F5: variants seen among roughly 807,000 people sequenced by gnomAD.
The protein encoded by F5 is coagulation factor V, also known as activated protein c cofactor.
Under a neutral mutation model 216.4 loss-of-function variants are expected in F5, and 138 were observed. The observed-to-expected ratio is 0.64, with a 90% CI of 0.56 to 0.73. The LOEUF is 0.73. F5 is among the 30% of genes least tolerant of loss of function. F5 has a pLI of 0.00. For synonymous variants in F5, 916 were observed against 930.7 expected (o/e 0.98, Z 0.29); for missense variants, 2,403 against 2,674.0 (o/e 0.90, Z 2.24).
chr1:169,529,765 T>A lies in F5; in HGVS notation c.5262A>T (p.Gly1754=), dbSNP rs759827034. Residue 1754 remains glycine, a synonymous_variant, in exon 16 of 25, where the codon GGA becomes GGT. Coordinates refer to ENST00000367797, the MANE Select transcript of F5 (RefSeq NM_000130.5). The part of the protein sequence containing the change: ...LIGPLLICQK[G]ILHKDSNMPM... ...GCATGTTGCTGTCCTTATGTAGTAT[T>A]CCTTTTTGGCAGATTAGGAGGGGAC... 64 of 1,613,622 alleles carry A rather than the reference T, an allele frequency of 4.0e-5. No individual in the cohort carries two copies. The Admixed American group carries it at 1.0e-3, about 26-fold the overall frequency.
intron 14 of F5, among the ~76,000 whole-genome samples, 175 bp from the exon 15 acceptor site, chr1:169,531,197 G>A (rs1384215616): frequency 6.6e-6 from 1 of 152,120 alleles, no homozygotes; most frequent in Admixed American, 6.6e-5. Flanking sequence ...GTGAGATATG[G>A]CCCAAGTAGT....
chr1:169,521,615 A>AT (rs35651599), intron 21 of F5, among the ~76,000 whole-genome samples: 67 of 106,258 alleles, frequency 6.3e-4, no homozygotes, highest in African/African-American at 9.6e-4. Context: ...CTGTGAAAAG[A>AT]TTTTTTTTTT....
intron 19 of F5, among the ~76,000 whole-genome samples, 194 bp from the exon 20 acceptor site, chr1:169,524,098 G>A (rs1308074033): frequency 6.6e-6 from 1 of 152,152 alleles, no homozygotes; most frequent in African/African-American, 2.4e-5. Context: ...TTGGTCAACT[G>A]CCAACCACCT....
In F5 at chr1:169,552,562, G is replaced by T; in HGVS notation, c.1291C>A (p.Leu431Ile). Residue 431 changes from leucine to isoleucine, a missense_variant, in exon 8 of 25, where the codon CTC (leucine) becomes ATC (isoleucine). Leu to Ile is a conservative substitution (Grantham distance 5). Around this residue, in one of 4 missense-constraint regions of F5, gnomAD observed 1,425 missense variants for 1,554.8 expected, o/e 0.92. Coordinates refer to ENST00000367797, the MANE Select transcript of F5 (RefSeq NM_000130.5). ...TCTGTATTTGTGTTACTTACTTTGA[G>T]TGTGTCTCTGACCTGGGCTCTGATA... ...PIIRAQVRDTLKIVFKNMASR... is the reference protein window; with the variant it reads ...PIIRAQVRDTIKIVFKNMASR... 6.2e-7 allele frequency: 1 copy of T among 1,612,542 alleles called. No individual in the cohort carries two copies.
rs1272731776 is a variant in F5, at chr1:169,536,660, G to A, written c.4817C>T (p.Ser1606Phe). Residue 1606 changes from serine (S) to phenylalanine (F), a missense_variant, in exon 14 of 25, where the codon TCT becomes TTT. Transcript: ENST00000367797. ...FVQRETDIEDSDDIPEDTTYK... is the reference protein window; with the variant it reads ...FVQRETDIEDFDDIPEDTTYK... The stretch of plus-strand genomic sequence containing the variant: ...TGTGGTATCTTCTGGAATATCATCA[G>A]AGTCTTCAATATCTGTTTCCCTGAA... The A allele has an allele frequency of 2.5e-6, 4 of 1,611,676 alleles. No homozygotes were observed. The highest frequency in any genetic ancestry group is 3.4e-6 in the Non-Finnish European group (4 of 1,177,936).
At position 169,542,973 on chromosome 1, in the gene F5, G is replaced by C. The variant is rs1659906805; in HGVS notation, c.2117C>G (p.Thr706Arg). The C allele has an allele frequency of 1.2e-6, 2 of 1,614,074 alleles. No homozygotes were observed. Among genetic ancestry groups the C allele is most frequent in the East Asian group, 2.2e-5 (1 of 44,876 alleles). ...TTCTAAACGATCATGCATTTTCCGT[G>C]TAGCCATGACTGTAGATTCTGGAGG... is the stretch of plus-strand genomic sequence containing the variant. ...FEPPESTVMA[T>R]RKMHDRLEPE... The change falls in exon 13 of 25, where the codon ACA becomes AGA. Residue 706 changes from threonine (T) to arginine (R), a missense_variant. This residue lies in a region of F5 where 1,425 missense variants were observed against 1,554.8 expected (regional missense o/e 0.92). Transcript: ENST00000367797.
At chr1:169,577,908 C>G (rs2101843861) in intron 2 of F5, among the ~76,000 whole-genome samples, 1 of 152,142 alleles carries the variant, frequency 6.6e-6, no homozygotes, top group Non-Finnish European at 1.5e-5. Context: ...ATAGTTCATG[C>G]TGCAGGAGTG....
chr1:169,540,763 T>C lies in F5; in HGVS notation c.4327A>G (p.Ser1443Gly), dbSNP rs1456987986. Residue 1443 changes from serine (S) to glycine (G), a missense_variant, in exon 13 of 25, where the codon AGT becomes GGT. By Grantham distance (56) the Ser-to-Gly change is moderately conservative. This residue lies in a region of F5 where 293 missense variants were observed against 270.8 expected (regional missense o/e 1.08). Coordinates refer to ENST00000367797, the MANE Select transcript of F5 (RefSeq NM_000130.5). Reference sequence around the variant, plus strand: ...AGATCCGGGAGAAGGGTGGTGTCACTGATGTCTGGAGAGAGAGTCACCTGG... The same window carrying C: ...AGATCCGGGAGAAGGGTGGTGTCACCGATGTCTGGAGAGAGAGTCACCTGG... The part of the protein sequence containing the change: ...LSQVTLSPDI[S>G]DTTLLPDLSQ... 5 of 1,614,040 alleles carry C rather than the reference T, an allele frequency of 3.1e-6. No homozygotes were observed. The highest frequency in any genetic ancestry group is 4.2e-6 in the Non-Finnish European group (5 of 1,179,976).
intron 3 of F5, among the ~76,000 whole-genome samples, chr1:169,568,999 T>A (rs1302148292): frequency 6.6e-6 from 1 of 152,104 alleles, no homozygotes; most frequent in Non-Finnish European, 1.5e-5. Flanking sequence ...AATGGGCGAA[T>A]CAATGCTGAC....
Position 169,559,305 on chromosome 1 carries a change from G to A in F5, c.587-9C>T. 1 of 1,613,332 alleles carries A rather than the reference G, an allele frequency of 6.2e-7. No homozygotes were observed. Among genetic ancestry groups the A allele is most frequent in the African/African-American group, 1.3e-5 (1 of 74,984 alleles). On this transcript the variant is annotated splice_polypyrimidine_tract_variant and intron_variant, in intron 4 of 24. Coordinates refer to ENST00000367797, the MANE Select transcript of F5 (RefSeq NM_000130.5). ...ACCCTCAGTTAGGGTCCCTATGAAAGGAAAGACATGTTTTCAGTAGCACTG... is the reference window on the plus strand; with the variant it reads ...ACCCTCAGTTAGGGTCCCTATGAAAAGAAAGACATGTTTTCAGTAGCACTG...
chr1:169,570,807 A>C (rs1411348811), intron 3 of F5, among the ~76,000 whole-genome samples: 1 of 152,182 alleles, frequency 6.6e-6, no homozygotes, highest in East Asian at 1.9e-4. Flanking sequence ...AATATTTATT[A>C]TCTGTTATAT....
intron 2 of F5, among the ~76,000 whole-genome samples, chr1:169,573,996 TA>T (rs1660786400): frequency 6.6e-6 from 1 of 151,954 alleles, no homozygotes; most frequent in Admixed American, 6.6e-5. Flanking sequence ...CAATAAAAAA[TA>T]AACAATAAAA....
rs201999936 is a variant in F5 at position 169,544,400 on chromosome 1, A to G, written c.1871T>C (p.Ile624Thr). The G allele has an allele frequency of 2.1e-5, 34 of 1,614,088 alleles. No individual in the cohort carries two copies. Among genetic ancestry groups the G allele is most frequent in the Admixed American group, 1.7e-5 (1 of 60,004 alleles). Residue 624 changes from isoleucine (I) to threonine (T), a missense_variant, in exon 12 of 25, where the codon ATC becomes ACC. Ile to Thr is a moderately conservative substitution (Grantham distance 89, BLOSUM62 -1). This residue lies in a region of F5 where 1,425 missense variants were observed against 1,554.8 expected (regional missense o/e 0.92). Transcript: ENST00000367797. The part of the protein sequence containing the change: ...SVGTQNEILT[I>T]HFTGHSFIYG... ...GATGAATGAGTGCCCAGTGAAGTGGATGGTCAAAATTTCATTCTGGGTCCC... is the reference window on the plus strand; with the variant it reads ...GATGAATGAGTGCCCAGTGAAGTGGGTGGTCAAAATTTCATTCTGGGTCCC...
Position 169,556,772 on chromosome 1 carries a change from G to A in F5, c.826C>T (p.Leu276=), listed in dbSNP as rs557824646. Residue 276 remains leucine, a synonymous_variant, in exon 6 of 25, where the codon CTG becomes TTG. Transcript: ENST00000367797. Reference sequence around the variant, plus strand: ...GAGACCTTATGATGGTTCTGCTCCAGGACCTGGCCGTTGAAATGAATGGAG... The same window carrying A: ...GAGACCTTATGATGGTTCTGCTCCAAGACCTGGCCGTTGAAATGAATGGAG... ...LFSIHFNGQV[L]EQNHHKVSAI... 6.2e-6 allele frequency: 10 copies of A among 1,614,114 alleles called. No homozygotes were observed. In the Admixed American group the frequency reaches 1.0e-4, roughly 16 times the overall value.
rs1246471494 is a variant in F5, at chr1:169,523,888, T to C, written c.5805A>G (p.Arg1935=). ...ASEFLGYWEP[R]LARLNNGGSY... The stretch of plus-strand genomic sequence containing the variant: ...ATCCACCATTGTTTAATCTTGCTAA[T>C]CTGGGCTCCCAGTAACCTAAACTCA... Residue 1935 remains arginine (R), a synonymous_variant, in exon 20 of 25, where the codon AGA becomes AGG. Coordinates refer to ENST00000367797, the MANE Select transcript of F5 (RefSeq NM_000130.5). 6.2e-7 allele frequency: 1 copy of C among 1,613,660 alleles called. No homozygotes were observed. The highest frequency in any genetic ancestry group is 2.2e-5 in the East Asian group (1 of 44,860).
chr1:169,582,360 A>T, intron 2 of F5, 71 bp downstream of exon 2: 1 of 780,576 alleles, frequency 1.3e-6, no homozygotes, highest in Non-Finnish European at 2.1e-6. Flanking sequence ...TGGATATTTT[A>T]GATGCATGTG....
rs1251829276 is a variant in F5, at chr1:169,586,324, C to G, written c.63G>C (p.Trp21Cys). 3 of 1,614,138 alleles carry G rather than the reference C, an allele frequency of 1.9e-6. No individual in the cohort carries two copies. Among genetic ancestry groups the G allele is most frequent in the South Asian group, 1.1e-5 (1 of 91,082 alleles). ...LVVLGTSWVG[W>C]GSQGTEAAQL... ...GTGCCGCTTCTGTCCCTTGGCTCCCCCAGCCTACCCAGCTGGTGCCCAAGA... is the reference window on the plus strand; with the variant it reads ...GTGCCGCTTCTGTCCCTTGGCTCCCGCAGCCTACCCAGCTGGTGCCCAAGA... The change falls in exon 1 of 25, where the codon TGG (tryptophan) becomes TGC (cysteine). Residue 21 changes from tryptophan (W) to cysteine (C), a missense_variant. By Grantham distance (215) the Trp-to-Cys change is radical. This residue lies in a region of F5 where 1,425 missense variants were observed against 1,554.8 expected (regional missense o/e 0.92). Coordinates refer to ENST00000367797, the MANE Select transcript of F5 (RefSeq NM_000130.5).
At position 169,531,039 on chromosome 1, in the gene F5, T is replaced by C. The variant is rs766496533; in HGVS notation, c.4972-17A>G. The C allele has an allele frequency of 1.3e-6, 2 of 1,578,390 alleles. No individual in the cohort carries two copies. The highest frequency in any genetic ancestry group is 1.7e-6 in the Non-Finnish European group (2 of 1,151,784). ...AAAACGAACCTAGGAAAAGGAATGA[T>C]CCACAAATGTACTTAAGCTTAACAA... On this transcript the variant is annotated splice_polypyrimidine_tract_variant and intron_variant, in intron 14 of 24. Transcript: ENST00000367797.
chr1:169,529,863 C>T (rs760042829), intron 15 of F5, 45 bp from the exon 16 acceptor site: 1 of 1,508,968 alleles, frequency 6.6e-7, no homozygotes, highest in South Asian at 1.1e-5. Flanking sequence ...TCAGGAATTT[C>T]CTTGCTCTTC....
Sources: gnomAD v4.1 joint callset for allele counts (sites outside exome capture counted in the v4.1 genomes callset) on GRCh38, gnomAD v4.1.1 for gene constraint, gnomAD v4.1.1 regional missense constraint, MANE v1.5 for transcripts, NCBI Gene and HGNC (gene_info 2026-07-23, HGNC 2026-07-21) for gene names.